The following RBBP8 variants were observed in gnomAD, a reference collection of about 807,000 sequenced individuals.
RBBP8 encodes DNA endonuclease RBBP8.
A neutral mutation model predicts 108.3 loss-of-function variants in RBBP8; 88 were observed. The observed-to-expected ratio is 0.81, with a 90% CI of 0.68 to 0.97. The LOEUF (loss-of-function observed/expected upper bound fraction) is 0.97, where lower values mean the gene tolerates loss of function less well. Ranked by LOEUF, RBBP8 falls within the 50% of genes least tolerant of loss-of-function variation. The pLI is 0.00. For synonymous variants in RBBP8, 332 were observed against 348.2 expected (o/e 0.95, Z 0.52); for missense variants, 1,023 against 1,049.0 (o/e 0.98, Z 0.34).
chr18:23,022,453 T>A (rs1405334507), intron 18 of RBBP8, among the ~76,000 whole-genome samples, 183 bp downstream of exon 18: 8 of 151,418 alleles, frequency 5.3e-5, no homozygotes, highest in African/African-American at 1.9e-4. Context: ...ATACAAAAAA[T>A]TAGCCAGGCG....
At chr18:22,944,929 T>C (rs1457702959) in intron 2 of RBBP8, among the ~76,000 whole-genome samples, 1 of 152,212 alleles carries the variant, frequency 6.6e-6, no homozygotes, top group East Asian at 1.9e-4. Flanking sequence ...TAAATTATGT[T>C]GTCCAAAAGA....
intron 1 of RBBP8, among the ~76,000 whole-genome samples, chr18:22,914,788 T>G (rs1357788893): frequency 2.0e-5 from 3 of 152,090 alleles, no homozygotes; most frequent in African/African-American, 2.4e-5. Context: ...CAGTAAAAAT[T>G]GAGGAGTGTG....
At chr18:22,932,858 C>T (rs1008272527), upstream of RBBP8, among the ~76,000 whole-genome samples, 1 of 152,216 alleles carries the variant, frequency 6.6e-6, no homozygotes, top group Non-Finnish European at 1.5e-5. Context: ...TCCCGTTTAA[C>T]CTCAGCAAAA....
rs932018864 is a variant in RBBP8 at position 22,949,955 on chromosome 18, A to G, written c.248+242A>G. On this transcript the variant is annotated intron_variant, in intron 4 of 18. Transcript: ENST00000327155. ...CTGGTGTTTGATGTAGTGGAAGCTC[A>G]AGGGTAGCAATGTTCTAATTCATTT... The G allele has an allele frequency of 1.9e-5, 8 of 414,902 alleles. No homozygotes were observed. In the South Asian group the frequency reaches 2.6e-4, roughly 14 times the overall value. The allele number at this position is 414,902 out of a possible 1,614,324, so 25.7% of individuals were successfully genotyped here.
intron 4 of RBBP8, among the ~76,000 whole-genome samples, chr18:22,961,148 T>C (rs1913068743): frequency 6.6e-6 from 1 of 152,196 alleles, no homozygotes; most frequent in Admixed American, 6.5e-5. Context: ...TGACCAGTAA[T>C]CAGCAAGAAA....
At chr18:22,918,604 CCTTCTG>C (rs1481135647) in intron 3 of RBBP8, among the ~76,000 whole-genome samples, 5 of 152,086 alleles carry the variant, frequency 3.3e-5, no homozygotes, top group African/African-American at 9.7e-5. Context: ...CTTACTTGTG[CCTTCTG>C]AGTTTTCCAA....
At chr18:22,941,948 G>A (rs1010099163) in intron 2 of RBBP8, among the ~76,000 whole-genome samples, 3 of 152,070 alleles carry the variant, frequency 2.0e-5, no homozygotes, top group Non-Finnish European at 4.4e-5. Flanking sequence ...AAGTAGATAT[G>A]TCATTTTAAA....
chr18:23,023,670 C>T (rs1337456736), intron 18 of RBBP8, among the ~76,000 whole-genome samples: 1 of 152,118 alleles, frequency 6.6e-6, no homozygotes, highest in African/African-American at 2.4e-5. Context: ...TACCACTATT[C>T]CAGGCATATA....
intron 18 of RBBP8, among the ~76,000 whole-genome samples, chr18:23,023,522 C>G (rs1362310080): frequency 1.3e-5 from 2 of 151,992 alleles, no homozygotes; most frequent in Non-Finnish European, 2.9e-5. Context: ...AGTATAGATC[C>G]ACATTTTTCT....
At chr18:23,024,765 A>G (rs907360964) in intron 18 of RBBP8, 1 of 152,234 alleles carries the variant, frequency 6.6e-6, no homozygotes, top group Non-Finnish European at 1.5e-5. Flanking sequence ...TGAAAAGTAT[A>G]GTAGTGTTTA....
At chr18:22,962,151 C>T (rs924165170) in intron 4 of RBBP8, among the ~76,000 whole-genome samples, 7 of 152,030 alleles carry the variant, frequency 4.6e-5, no homozygotes, top group Admixed American at 4.6e-4. Context: ...TAGTTTTAGT[C>T]CTTTAGATCA....
intron 18 of RBBP8, among the ~76,000 whole-genome samples, chr18:23,025,458 G>C (rs2046437178): frequency 6.6e-6 from 1 of 152,168 alleles, no homozygotes; most frequent in Admixed American, 6.5e-5. Flanking sequence ...TAATAAGCCA[G>C]ATTGAGTCAA....
At chr18:22,973,206 A>G (rs1393919244) in intron 5 of RBBP8, among the ~76,000 whole-genome samples, 2 of 152,110 alleles carry the variant, frequency 1.3e-5, no homozygotes, top group African/African-American at 4.8e-5. Context: ...TTCTAAGAAT[A>G]CTCCCTTTTT....
At chr18:22,985,776 T>C (rs1207657687) in intron 8 of RBBP8, among the ~76,000 whole-genome samples, 1 of 152,032 alleles carries the variant, frequency 6.6e-6, no homozygotes, top group Non-Finnish European at 1.5e-5. Flanking sequence ...AGTTAGAATT[T>C]AGAGAAGTTG....
chr18:22,975,250 A>C, intron 6 of RBBP8, 31 bp downstream of exon 6: 1 of 1,610,446 alleles, frequency 6.2e-7, no homozygotes, highest in Non-Finnish European at 8.5e-7. Flanking sequence ...TTGTTATTTT[A>C]TTTTATTTAG....
chr18:23,020,096 T>C (rs1457337797), intron 17 of RBBP8, among the ~76,000 whole-genome samples: 2 of 150,638 alleles, frequency 1.3e-5, no homozygotes, highest in African/African-American at 4.9e-5. Flanking sequence ...CTAAGTGCTC[T>C]CCTGGTCATT....
upstream of RBBP8, among the ~76,000 whole-genome samples, chr18:22,931,671 T>A (rs1055420706): frequency 6.6e-6 from 1 of 152,120 alleles, no homozygotes; most frequent in Non-Finnish European, 1.5e-5. Flanking sequence ...CCCTGTGAGG[T>A]TGGTACTATT....
Position 22,989,251 on chromosome 18 carries a change from A to C in RBBP8, c.740A>C (p.Asp247Ala). Reference sequence around the variant, plus strand: ...CATGGAACAAGCAGCTATACCCCTGATAAGTCATCTTTTAATTTAGCTACA... The same window carrying C: ...CATGGAACAAGCAGCTATACCCCTGCTAAGTCATCTTTTAATTTAGCTACA... ...KAHGTSSYTP[D>A]KSSFNLATVV... Residue 247 changes from aspartate to alanine, a missense_variant, in exon 9 of 19, where the codon GAT becomes GCT. By Grantham distance (126) the Asp-to-Ala change is moderately radical (BLOSUM62 -2). Coordinates refer to ENST00000327155, the MANE Select transcript of RBBP8 (RefSeq NM_002894.3). 6.2e-7 allele frequency: 1 copy of C among 1,610,800 alleles called. No individual in the cohort carries two copies. Among genetic ancestry groups the C allele is most frequent in the Non-Finnish European group, 8.5e-7 (1 of 1,177,308 alleles).
rs1205766717 is a variant in RBBP8 at position 22,953,590 on chromosome 18, T to G, written c.248+3877T>G. On this transcript the variant is annotated intron_variant, in intron 4 of 18. Coordinates refer to ENST00000327155, the MANE Select transcript of RBBP8 (RefSeq NM_002894.3). ...ACTCTTCATTTTATGGCTTAAAGTT[T>G]GAGCTTCCTGTTCTGGTAACCTTTG... Among the ~76,000 whole-genome samples the G allele has an allele frequency of 2.6e-5, 4 of 152,164 alleles. No homozygotes were observed. In the East Asian group the frequency reaches 7.7e-4, roughly 29 times the overall value.
Sources: gnomAD v4.1 joint callset for allele counts (sites outside exome capture counted in the v4.1 genomes callset) on GRCh38, gnomAD v4.1.1 for gene constraint, MANE v1.5 for transcripts, NCBI Gene and HGNC (gene_info 2026-07-23, HGNC 2026-07-21) for gene names.